The following MEGF10 variants were observed in gnomAD, a reference collection of about 807,000 sequenced individuals.
The protein encoded by MEGF10 is multiple EGF like domains 10, also known as multiple epidermal growth factor-like domains protein 10.
MEGF10 carries 86 observed loss-of-function variants against 147.5 expected under a neutral mutation model. The observed-to-expected ratio is 0.58, with a 90% CI of 0.49 to 0.70. The LOEUF (loss-of-function observed/expected upper bound fraction) is 0.70. Ranked by LOEUF, MEGF10 falls within the 30% of genes least tolerant of loss-of-function variation. The probability of loss-of-function intolerance (pLI) is 0.00; values close to 1 mark genes in which losing one functional copy is unlikely to be tolerated. For missense variants in MEGF10, 1,329 were observed against 1,487.3 expected, an observed-to-expected ratio of 0.89 and a Z score of 1.75; for synonymous variants, 478 against 525.5, an observed-to-expected ratio of 0.91 and a Z score of 1.24.
intron 4 of MEGF10, among the ~76,000 whole-genome samples, chr5:127,367,046 T>A (rs1159290788): frequency 6.6e-6 from 1 of 152,198 alleles, no homozygotes; most frequent in Non-Finnish European, 1.5e-5. Context: ...GCTTGCTCAA[T>A]CTTACCTTTC....
At chr5:127,398,599 G>A in intron 6 of MEGF10, 77 bp from the exon 7 acceptor site, 1 of 1,550,936 alleles carries the variant, frequency 6.4e-7, no homozygotes, top group Admixed American at 1.8e-5. Context: ...TCTATTTTGG[G>A]GACCCTGGGT....
At position 127,391,141 on chromosome 5, in the gene MEGF10, CACACACACACACAT is replaced by C. The variant is rs1561614952; in HGVS notation, c.413-5387_413-5374del. Among the ~76,000 whole-genome samples, 168 of 107,250 alleles carry C rather than the reference CACACACACACACAT, an allele frequency of 1.6e-3. 1 individual carries two copies. The highest frequency in any genetic ancestry group is 8.5e-3 in the East Asian group (31 of 3,628). The allele number at this position is 107,250 out of a possible 152,430, so 70.4% of individuals were successfully genotyped here. A position where few individuals can be genotyped will look rare whatever the true frequency, so the allele number is the denominator to read the frequency against. ...ACACACACACACACACACACACACACACACACACACACATACATGCTTATTTCTTTAGGAAAAAC... is the reference window on the plus strand; with the variant it reads ...ACACACACACACACACACACACACACACATGCTTATTTCTTTAGGAAAAAC... On this transcript the variant is annotated intron_variant, in intron 5 of 24. Transcript: ENST00000503335.
rs371350255 is a variant in MEGF10 at position 127,396,801 on chromosome 5, G to A, written c.659+23G>A. On this transcript the variant is annotated intron_variant, in intron 6 of 24. Transcript: ENST00000503335. ...CTTGTAAGTCACATGCTGCCCAGCAGCAGAGCAGAGCCCACCCACCCTCTC... is the reference window on the plus strand; with the variant it reads ...CTTGTAAGTCACATGCTGCCCAGCAACAGAGCAGAGCCCACCCACCCTCTC... The A allele has an allele frequency of 1.0e-5, 16 of 1,598,638 alleles. No homozygotes were observed. The Middle Eastern group carries it at 6.7e-4, about 67-fold the overall frequency.
chr5:127,405,705 C>T (rs543793281), intron 8 of MEGF10, among the ~76,000 whole-genome samples: 136 of 152,042 alleles, frequency 8.9e-4, no homozygotes, highest in Non-Finnish European at 1.6e-3. Flanking sequence ...ATTGGAATGG[C>T]TTCAGTATAG....
intron 5 of MEGF10, 125 bp downstream of exon 5, chr5:127,370,127 G>T: frequency 1.7e-6 from 1 of 587,974 alleles, no homozygotes; most frequent in South Asian, 2.4e-5. Flanking sequence ...TAAATGCCAC[G>T]ACCAACTCAG....
chr5:127,379,693 G>A (rs760699659), intron 5 of MEGF10, among the ~76,000 whole-genome samples: 7 of 147,480 alleles, frequency 4.7e-5, no homozygotes, highest in African/African-American at 1.8e-4. Context: ...CGTGCCTCCC[G>A]GGTTCAAGTG....
chr5:127,371,474 C>A (rs1376673928), intron 5 of MEGF10, among the ~76,000 whole-genome samples: 2 of 152,082 alleles, frequency 1.3e-5, no homozygotes, highest in South Asian at 4.1e-4. Flanking sequence ...TGTGCCTAGA[C>A]ATCTTGAAGA....
chr5:127,265,494 C>T, the MEGF10 span, among the ~76,000 whole-genome samples: 1 of 152,156 alleles, frequency 6.6e-6, no homozygotes, highest in African/African-American at 2.4e-5. Flanking sequence ...GGAATTACCA[C>T]ACTGTCTTCC....
intron 1 of MEGF10, among the ~76,000 whole-genome samples, chr5:127,296,888 T>TA (rs1052142941): frequency 2.6e-5 from 4 of 152,210 alleles, no homozygotes; most frequent in Admixed American, 6.5e-5. Flanking sequence ...GAAGAATTGA[T>TA]AAAAAATATG....
At chr5:127,323,313 C>T (rs949341666) in intron 1 of MEGF10, among the ~76,000 whole-genome samples, 1 of 152,198 alleles carries the variant, frequency 6.6e-6, no homozygotes, top group Non-Finnish European at 1.5e-5. Flanking sequence ...GTCAATTCTT[C>T]TAGAAAGTCA....
chr5:127,332,046 G>A (rs554908943), intron 2 of MEGF10, among the ~76,000 whole-genome samples: 7 of 152,124 alleles, frequency 4.6e-5, no homozygotes, highest in African/African-American at 1.7e-4. Flanking sequence ...CCAGAGCAGA[G>A]TTAGTACCGT....
At chr5:127,313,677 G>A (rs1760395989) in intron 1 of MEGF10, among the ~76,000 whole-genome samples, 1 of 152,040 alleles carries the variant, frequency 6.6e-6, no homozygotes, top group African/African-American at 2.4e-5. Flanking sequence ...CATGTTTCTT[G>A]CTAAATGTAA....
chr5:127,373,852 C>T (rs1250377221), intron 5 of MEGF10, among the ~76,000 whole-genome samples: 3 of 152,208 alleles, frequency 2.0e-5, no homozygotes, highest in Non-Finnish European at 2.9e-5. Context: ...ACTAAGGGTG[C>T]GATCCAGACC....
At chr5:127,364,478 C>A (rs562129881) in intron 4 of MEGF10, among the ~76,000 whole-genome samples, 5 of 152,274 alleles carry the variant, frequency 3.3e-5, no homozygotes, top group African/African-American at 9.6e-5. Context: ...CTAAGAGTTC[C>A]CAGTCTGCCA....
At chr5:127,438,330 A>G in intron 16 of MEGF10, 109 bp from the exon 17 acceptor site, 1 of 1,265,250 alleles carries the variant, frequency 7.9e-7, no homozygotes, top group South Asian at 1.4e-5. Flanking sequence ...GTCCTGATGT[A>G]CACTGCTAAC....
intron 5 of MEGF10, among the ~76,000 whole-genome samples, chr5:127,394,576 G>A (rs1006016618): frequency 3.3e-5 from 5 of 152,088 alleles, no homozygotes; most frequent in African/African-American, 1.2e-4. Context: ...TCTACCTGGG[G>A]TAGCTGAGAT....
chr5:127,245,397 C>T, the MEGF10 span, among the ~76,000 whole-genome samples: 1 of 152,246 alleles, frequency 6.6e-6, no homozygotes, highest in Middle Eastern at 3.4e-3. Context: ...GGAAAACTAG[C>T]TAGCAATATG....
chr5:127,339,212 C>T lies in MEGF10; in HGVS notation c.209C>T (p.Thr70Met), dbSNP rs766379097. Residue 70 changes from threonine to methionine, a missense_variant, in exon 3 of 25, where the codon ACG (threonine) becomes ATG (methionine). Coordinates refer to ENST00000503335, the MANE Select transcript of MEGF10 (RefSeq NM_001256545.2). ...CTDILNWFKC[T>M]RHRVSYRTAY... ...GACATTCTAAACTGGTTTAAATGCA[C>T]GCGGCACAGGTAATAGAAGCTCAGG... The T allele has an allele frequency of 5.6e-6, 9 of 1,609,698 alleles. No homozygotes were observed. Among genetic ancestry groups the T allele is most frequent in the South Asian group, 2.2e-5 (2 of 90,856 alleles).
chr5:127,379,594 C>CT (rs36030791), intron 5 of MEGF10, among the ~76,000 whole-genome samples: 3,680 of 90,160 alleles, frequency 0.041, 246 homozygotes, highest in African/African-American at 0.11. Context: ...TGGCCAGCTT[C>CT]TTTTTTTTTT....
Sources: gnomAD v4.1 joint callset for allele counts (sites outside exome capture counted in the v4.1 genomes callset) on GRCh38, gnomAD v4.1.1 for gene constraint, MANE v1.5 for transcripts, NCBI Gene and HGNC (gene_info 2026-07-23, HGNC 2026-07-21) for gene names.